DPYD: variants seen among roughly 807,000 people sequenced by gnomAD.
The protein encoded by DPYD is dihydropyrimidine dehydrogenase [NADP(+)].
A neutral mutation model predicts 116.2 loss-of-function variants in DPYD; 109 were observed. The observed-to-expected ratio is 0.94, with a 90% CI of 0.80 to 1.10. The LOEUF (loss-of-function observed/expected upper bound fraction) is 1.10. Ranked by LOEUF, DPYD falls within the 50% of genes least tolerant of loss-of-function variation. DPYD has a pLI of 0.00. For synonymous variants in DPYD, 440 were observed against 432.0 expected, an observed-to-expected ratio of 1.02 and a Z score of -0.23; for missense variants, 1,302 against 1,254.5, an observed-to-expected ratio of 1.04 and a Z score of -0.57.
At chr1:97,085,599 C>T (rs1649457892) in intron 21 of DPYD, among the ~76,000 whole-genome samples, 1 of 151,978 alleles carries the variant, frequency 6.6e-6, no homozygotes, top group Non-Finnish European at 1.5e-5. Flanking sequence ...AAAATTATTC[C>T]ATGTGGCTAA....
intron 18 of DPYD, 76 bp downstream of exon 18, chr1:97,305,183 A>C (rs1210430400): frequency 1.2e-6 from 2 of 1,607,410 alleles, no homozygotes; most frequent in African/African-American, 1.3e-5. Flanking sequence ...AAAGGGCACA[A>C]AACTCTTGCA....
At chr1:97,839,390 A>G (rs1039599033) in intron 2 of DPYD, among the ~76,000 whole-genome samples, 35 of 152,080 alleles carry the variant, frequency 2.3e-4, no homozygotes, top group African/African-American at 7.7e-4. Context: ...ATAGTTTTCC[A>G]TGCTCACACA....
intron 3 of DPYD, among the ~76,000 whole-genome samples, chr1:97,827,895 A>C (rs1669317210): frequency 6.6e-6 from 1 of 152,220 alleles, no homozygotes; most frequent in Admixed American, 6.5e-5. Flanking sequence ...ATTTTAAGTA[A>C]CAAATTAAAC....
At chr1:97,890,223 T>C (rs1480466369) in intron 1 of DPYD, among the ~76,000 whole-genome samples, 1 of 151,982 alleles carries the variant, frequency 6.6e-6, no homozygotes, top group East Asian at 1.9e-4. Context: ...AAAAATACTT[T>C]GAATTCTATA....
In DPYD at chr1:97,549,848, G is replaced by T. The variant is rs1007165147; in HGVS notation, c.1340-104C>A. 4.8e-6 allele frequency: 5 copies of T among 1,045,474 alleles called. No homozygotes were observed. In the South Asian group the frequency reaches 7.6e-5, roughly 16 times the overall value. The allele number at this position is 1,045,474 out of a possible 1,614,324, so 64.8% of individuals were successfully genotyped here. A position where few individuals can be genotyped will look rare whatever the true frequency, so the allele number is the denominator to read the frequency against. Reference sequence around the variant, plus strand: ...AATTATGGTTTAATTATTGTTCCAGGGATTCAAACAACTGTTTTTAGTAAA... The same window carrying T: ...AATTATGGTTTAATTATTGTTCCAGTGATTCAAACAACTGTTTTTAGTAAA... On this transcript the variant is annotated intron_variant, in intron 11 of 22. Transcript: ENST00000370192.
intron 2 of DPYD, among the ~76,000 whole-genome samples, chr1:97,836,376 A>G (rs1481295936): frequency 6.6e-6 from 1 of 152,130 alleles, no homozygotes; most frequent in Non-Finnish European, 1.5e-5. Context: ...TAGTCTTTGG[A>G]AATCAAGTTT....
intron 12 of DPYD, among the ~76,000 whole-genome samples, chr1:97,520,719 T>C (rs1031928022): frequency 3.3e-5 from 5 of 151,980 alleles, no homozygotes; most frequent in African/African-American, 1.2e-4. Flanking sequence ...AGTGATAATA[T>C]GTGGTGTTTG....
intron 20 of DPYD, among the ~76,000 whole-genome samples, chr1:97,126,182 T>C (rs1297906404): frequency 1.3e-5 from 2 of 152,146 alleles, no homozygotes; most frequent in Admixed American, 6.6e-5. Context: ...CTCATTCTTA[T>C]GGATGTGGTA....
chr1:97,144,537 A>G (rs1170331455), intron 20 of DPYD, among the ~76,000 whole-genome samples: 2 of 152,198 alleles, frequency 1.3e-5, no homozygotes, highest in African/African-American at 2.4e-5. Context: ...CCCAAAGACC[A>G]TCTTTATTAC....
intron 1 of DPYD, among the ~76,000 whole-genome samples, chr1:97,887,469 T>TAAAAAAAAAAAAAAAAA (rs57316508): frequency 3.8e-4 from 18 of 47,140 alleles, no homozygotes; most frequent in South Asian, 9.8e-4. Flanking sequence ...GACTCTGCAT[T>TAAAAAAAAAAAAAAAAA]AAAAAAAAAA....
chr1:97,575,289 T>C (rs1021295831), intron 10 of DPYD, among the ~76,000 whole-genome samples: 1 of 152,166 alleles, frequency 6.6e-6, no homozygotes, highest in Non-Finnish European at 1.5e-5. Context: ...GGAGCAAAAA[T>C]TAATTCTTGG....
Position 97,388,579 on chromosome 1 carries a change from C to T in DPYD, c.1906-6118G>A, listed in dbSNP as rs528946030. ...GAAAGTCTGTGTCAAAGAGTAGAAA[C>T]GTGTCCACTGGATTTGAAGAGACAA... On this transcript the variant is annotated intron_variant, in intron 14 of 22. Coordinates refer to ENST00000370192, the MANE Select transcript of DPYD (RefSeq NM_000110.4). 9.2e-5 allele frequency among the ~76,000 whole-genome samples: 14 copies of T among 152,150 alleles called. No homozygotes were observed. In the East Asian group the frequency reaches 2.3e-3, roughly 25 times the overall value.
At chr1:97,517,772 C>T (rs1557767379) in intron 12 of DPYD, among the ~76,000 whole-genome samples, 1 of 152,136 alleles carries the variant, frequency 6.6e-6, no homozygotes, top group Non-Finnish European at 1.5e-5. Context: ...ACTTCTCTGT[C>T]TTAGAAACAA....
intron 20 of DPYD, among the ~76,000 whole-genome samples, chr1:97,148,788 C>A (rs1654812087): frequency 6.6e-6 from 1 of 152,170 alleles, no homozygotes; most frequent in African/African-American, 2.4e-5. Context: ...GATAAAACTT[C>A]TAATGATTCT....
intron 20 of DPYD, among the ~76,000 whole-genome samples, chr1:97,113,012 T>C (rs1466632124): frequency 6.6e-6 from 1 of 152,156 alleles, no homozygotes; most frequent in Non-Finnish European, 1.5e-5. Flanking sequence ...TTTCTCCTCA[T>C]CTCTGTTAAC....
At chr1:97,848,745 G>C (rs1469689447) in intron 2 of DPYD, among the ~76,000 whole-genome samples, 1 of 152,126 alleles carries the variant, frequency 6.6e-6, no homozygotes, top group African/African-American at 2.4e-5. Context: ...CCAGCATCTT[G>C]AGTATTACAC....
chr1:97,169,531 T>C (rs983445455), intron 20 of DPYD, among the ~76,000 whole-genome samples: 1 of 149,862 alleles, frequency 6.7e-6, no homozygotes, highest in Non-Finnish European at 1.5e-5. Context: ...AATTTTTATT[T>C]TATTTTATTT....
chr1:97,612,051 A>G (rs1249771949), intron 8 of DPYD, among the ~76,000 whole-genome samples: 1 of 152,082 alleles, frequency 6.6e-6, no homozygotes, highest in African/African-American at 2.4e-5. Flanking sequence ...AATCTGGGAC[A>G]TAATGACAAA....
At chr1:97,340,487 T>C (rs1669536804) in intron 16 of DPYD, among the ~76,000 whole-genome samples, 3 of 151,994 alleles carry the variant, frequency 2.0e-5, no homozygotes, top group African/African-American at 7.2e-5. Flanking sequence ...CTGGGCAACA[T>C]AGGGAGACTC....
Sources: gnomAD v4.1 joint callset for allele counts (sites outside exome capture counted in the v4.1 genomes callset) on GRCh38, gnomAD v4.1.1 for gene constraint, MANE v1.5 for transcripts, NCBI Gene and HGNC (gene_info 2026-07-23, HGNC 2026-07-21) for gene names.